The following CHADL variants were observed in gnomAD, a reference collection of about 807,000 sequenced individuals.
CHADL encodes chondroadherin like.
In CHADL, 48 loss-of-function variants were observed where a neutral mutation model predicts 52.1. The ratio of observed to expected loss-of-function variants is 0.92; its 90% CI spans 0.73 to 1.17. The LOEUF (loss-of-function observed/expected upper bound fraction) is 1.17, where lower values mean the gene tolerates loss of function less well. Ranked by LOEUF, CHADL falls within the 50% of genes most tolerant of loss-of-function variation. The pLI is 0.00. For synonymous variants in CHADL, 498 were observed against 511.2 expected (o/e 0.97, Z 0.35); for missense variants, 977 against 1,035.1 (o/e 0.94, Z 0.77).
In CHADL at chr22:41,230,164, G is replaced by A. The variant is rs765419035; in HGVS notation, c.2263-434C>T. The A allele has an allele frequency of 3.8e-6, 6 of 1,567,062 alleles. No homozygotes were observed. In the South Asian group the frequency reaches 5.5e-5, roughly 14 times the overall value. ...TCATTGCTGTGCGTGTGAAGGAAGA[G>A]CATCTAGACGTGGCCTCGCCCGACA... On this transcript the variant is annotated intron_variant, in intron 5 of 5. Coordinates refer to ENST00000216241, the MANE Select transcript of CHADL (RefSeq NM_138481.2).
At chr22:41,237,042 G>C (rs1317001680) in intron 3 of CHADL, 134 bp downstream of exon 3, 1 of 950,604 alleles carries the variant, frequency 1.1e-6, no homozygotes, top group African/African-American at 1.7e-5. Context: ...GGCAGTCCTG[G>C]TTTATCTCAG....
In CHADL at chr22:41,237,506, G is replaced by A; in HGVS notation, c.1566C>T (p.Ser522=). Residue 522 remains serine, a synonymous_variant, in exon 3 of 6, where the codon AGC becomes AGT. Transcript: ENST00000216241. ...TGTCCTGCAGGTGCAGGGAGAAGAG[G>A]CTGGGCAGGGCGCGCAGGGCAGCCC... The part of the protein sequence containing the change: ...VPGAALRALP[S]LFSLHLQDNA... 1.3e-6 allele frequency: 2 copies of A among 1,550,490 alleles called. No homozygotes were observed. Among genetic ancestry groups the A allele is most frequent in the Admixed American group, 2.0e-5 (1 of 51,010 alleles).
In CHADL at chr22:41,237,910, C is replaced by CA; in HGVS notation, c.1161_1162insT (p.Gly388TrpfsTer107). ...CAAGGCGCGACTGCCCGCTCCTCCC[C>CA]GGGGCCGCGCGGAGGGCCGCGCGGA... On this transcript the variant is annotated frameshift_variant, in exon 3 of 6. Transcript: ENST00000216241. LOFTEE classifies it high-confidence loss of function. The CA allele has an allele frequency of 7.7e-7, 1 of 1,296,690 alleles. No homozygotes were observed. Among genetic ancestry groups the CA allele is most frequent in the South Asian group, 2.5e-5 (1 of 40,086 alleles). The allele number at this position is 1,296,690 out of a possible 1,614,324, so 80.3% of individuals were successfully genotyped here.
rs1386088420 is a variant in CHADL at position 41,235,154 on chromosome 22, T to C, written c.2253A>G (p.Gly751=). The stretch of plus-strand genomic sequence containing the variant: ...CTGCCCCATGGCCAACCTTATCTGC[T>C]CCACACTGTCTTCCTTTGATGGGGG... The part of the protein sequence containing the change: ...RRTPIKGRQC[G]ADKVGKEKGR... Residue 751 remains glycine (G), a synonymous_variant, in exon 5 of 6, where the codon GGA becomes GGG. Transcript: ENST00000216241. 3.2e-6 allele frequency: 5 copies of C among 1,551,332 alleles called. No individual in the cohort carries two copies. The Middle Eastern group carries it at 6.7e-4, about 207-fold the overall frequency.
intron 5 of CHADL, among the ~76,000 whole-genome samples, chr22:41,232,069 A>C (rs1033814719): frequency 4.6e-5 from 7 of 152,182 alleles, no homozygotes; most frequent in Non-Finnish European, 5.9e-5. Context: ...GCGGTGGCTC[A>C]CGCCTGTAAT....
rs1355758431 is a variant in CHADL, at chr22:41,238,669, A to C, written c.403T>G (p.Ser135Ala). The change falls in exon 3 of 6, where the codon TCG (serine) becomes GCG (alanine). Residue 135 changes from serine to alanine, a missense_variant. Ser to Ala is a moderately conservative substitution (Grantham distance 99). Coordinates refer to ENST00000216241, the MANE Select transcript of CHADL (RefSeq NM_138481.2). The surrounding 1 kb of genome is among the most constrained non-coding windows in gnomAD (Gnocchi z 4.9). ...LPQEALDGLG[S>A]LRRLELEGNA... ...CCCTCCAGCTCCAGCCGCCGCAACG[A>C]GCCCAGCCCGTCCAGCGCCTCCTGG... 1.3e-6 allele frequency: 2 copies of C among 1,544,772 alleles called. No homozygotes were observed. Among genetic ancestry groups the C allele is most frequent in the East Asian group, 4.9e-5 (2 of 40,782 alleles).
chr22:41,238,997 T>G lies in CHADL; in HGVS notation c.187-112A>C. ...TCCTGTCACCTTTCCCATATTTCTC[T>G]TCATCCGACCCCTGACACCTCCTCC... On this transcript the variant is annotated intron_variant, in intron 2 of 5. Coordinates refer to ENST00000216241, the MANE Select transcript of CHADL (RefSeq NM_138481.2). The surrounding 1 kb of genome is among the most constrained non-coding windows in gnomAD (Gnocchi z 4.9). 332 of 1,334,228 alleles carry G rather than the reference T, an allele frequency of 2.5e-4. No individual in the cohort carries two copies. Among genetic ancestry groups the G allele is most frequent in the Non-Finnish European group, 2.9e-4 (293 of 1,002,736 alleles). The allele number at this position is 1,334,228 out of a possible 1,614,324, so 82.6% of individuals were successfully genotyped here.
In CHADL at chr22:41,232,144, A is replaced by G. The variant is rs376784092; in HGVS notation, c.2263-2414T>C. Reference sequence around the variant, plus strand: ...TCAGGAGATCGAGACCATCCTGGCTAACACGATGAAACCCTGTCTCTACTA... The same window carrying G: ...TCAGGAGATCGAGACCATCCTGGCTGACACGATGAAACCCTGTCTCTACTA... On this transcript the variant is annotated intron_variant, in intron 5 of 5. Transcript: ENST00000216241. Among the ~76,000 whole-genome samples, 28 of 151,876 alleles carry G rather than the reference A, an allele frequency of 1.8e-4. No homozygotes were observed. In the East Asian group the frequency reaches 2.1e-3, roughly 12 times the overall value.
At chr22:41,233,666 A>ACG (rs1487128428) in intron 5 of CHADL, among the ~76,000 whole-genome samples, 1 of 152,174 alleles carries the variant, frequency 6.6e-6, no homozygotes, top group East Asian at 1.9e-4. Flanking sequence ...TCCAGAGAGC[A>ACG]CGCCCCTGCC....
At chr22:41,236,392 G>A in intron 4 of CHADL, 92 bp downstream of exon 4, 1 of 1,177,436 alleles carries the variant, frequency 8.5e-7, no homozygotes, top group African/African-American at 1.5e-5. Flanking sequence ...TGCTCGGATG[G>A]GCATGGACAT....
intron 3 of CHADL, among the ~76,000 whole-genome samples, 170 bp from the exon 4 acceptor site, chr22:41,236,820 C>T (rs2032749852): frequency 6.6e-6 from 1 of 152,254 alleles, no homozygotes; most frequent in Non-Finnish European, 1.5e-5. Context: ...GATGTCAAAA[C>T]ACTTGCTCCG....
chr22:41,239,020 T>C, intron 2 of CHADL, 135 bp from the exon 3 acceptor site: 5 of 1,212,020 alleles, frequency 4.1e-6, no homozygotes, highest in Non-Finnish European at 5.6e-6. Context: ...TGACACCTCC[T>C]CCAGGAAGCC....
chr22:41,234,658 A>T (rs1231945519), intron 5 of CHADL, among the ~76,000 whole-genome samples: 1 of 151,710 alleles, frequency 6.6e-6, no homozygotes, highest in Admixed American at 6.6e-5. Context: ...GGCTCACGCC[A>T]TTCTCCTGCC....
Position 41,238,502 on chromosome 22 carries a change from C to A in CHADL, c.570G>T (p.Ser190=). 6.5e-7 allele frequency: 1 copy of A among 1,539,536 alleles called. No individual in the cohort carries two copies. The highest frequency in any genetic ancestry group is 8.7e-7 in the Non-Finnish European group (1 of 1,144,150). The change falls in exon 3 of 6, where the codon TCG becomes TCT. Residue 190 remains serine, a synonymous_variant. Coordinates refer to ENST00000216241, the MANE Select transcript of CHADL (RefSeq NM_138481.2). The surrounding 1 kb of genome is among the most constrained non-coding windows in gnomAD (Gnocchi z 4.9). The stretch of plus-strand genomic sequence containing the variant: ...GGGCCAGCACGCTGAGCGCGTTGTG[C>A]GACAGCCGCAGCCAGCGGACGCGCA... ...GLLRVRWLRL[S]HNALSVLAPE...
rs1298050611 is a variant in CHADL, at chr22:41,237,747, C to T, written c.1325G>A (p.Arg442Gln). Reference protein sequence around the residue: ...LRRNHFPSVPRAAFPGLGHLV... With the variant: ...LRRNHFPSVPQAAFPGLGHLV... ...GTGGCCCAGGCCGGGGAAGGCCGCT[C>T]GGGGCACCGAGGGGAAGTGGTTCCG... The change falls in exon 3 of 6, where the codon CGA becomes CAA. Residue 442 changes from arginine to glutamine, a missense_variant. Arg to Gln is a conservative substitution (Grantham distance 43, BLOSUM62 1). Transcript: ENST00000216241. The T allele has an allele frequency of 2.6e-6, 4 of 1,539,348 alleles. No homozygotes were observed. In the East Asian group the frequency reaches 9.8e-5, roughly 38 times the overall value.
chr22:41,232,128 C>A (rs8135045), intron 5 of CHADL, among the ~76,000 whole-genome samples: 12 of 151,354 alleles, frequency 7.9e-5, no homozygotes, highest in Admixed American at 3.3e-4. Flanking sequence ...GTCAGGAGAT[C>A]GAGACCATCC....
chr22:41,229,648 C>G lies in CHADL; in HGVS notation c.*56G>C. On this transcript the variant is annotated 3_prime_UTR_variant, in exon 6 of 6. Coordinates refer to ENST00000216241, the MANE Select transcript of CHADL (RefSeq NM_138481.2). ...AGGAAGATCTCGTCGGAGCCTGTTC[C>G]TGGCGAGAGTAAGAGCCACCGGGCT... The G allele has an allele frequency of 6.2e-7, 1 of 1,613,552 alleles. No individual in the cohort carries two copies.
chr22:41,236,799 C>G, intron 3 of CHADL, 149 bp from the exon 4 acceptor site: 1 of 798,966 alleles, frequency 1.3e-6, no homozygotes. Flanking sequence ...GGTCAAAACC[C>G]AGGCTGGTCT....
rs548298301 is a variant in CHADL, at chr22:41,229,636, C to T, written c.*68G>A. 5.6e-6 allele frequency: 9 copies of T among 1,613,716 alleles called. No individual in the cohort carries two copies. Among genetic ancestry groups the T allele is most frequent in the African/African-American group, 4.0e-5 (3 of 75,032 alleles). On this transcript the variant is annotated 3_prime_UTR_variant, in exon 6 of 6. Transcript: ENST00000216241. ...CCTCAGGGTGCCAGGAAGATCTCGTCGGAGCCTGTTCCTGGCGAGAGTAAG... is the reference window on the plus strand; with the variant it reads ...CCTCAGGGTGCCAGGAAGATCTCGTTGGAGCCTGTTCCTGGCGAGAGTAAG...
Sources: gnomAD v4.1 joint callset for allele counts (sites outside exome capture counted in the v4.1 genomes callset) on GRCh38, gnomAD v4.1.1 for gene constraint, Gnocchi (gnomAD v3.1) non-coding constraint, MANE v1.5 for transcripts, NCBI Gene and HGNC (gene_info 2026-07-23, HGNC 2026-07-21) for gene names.